Variants in CADM2 observed in about 807,000 individuals in gnomAD.
The protein encoded by CADM2 is cell adhesion molecule 2, also known as immunoglobulin superfamily member 4D.
In CADM2, 12 loss-of-function variants were observed where a neutral mutation model predicts 49.8. That is an observed-to-expected ratio of 0.24 (90% CI 0.15 to 0.39). The LOEUF (loss-of-function observed/expected upper bound fraction) is 0.39. CADM2 is among the 10% of genes least tolerant of loss of function. The pLI is 1.00. For missense variants in CADM2, 378 were observed against 492.3 expected (o/e 0.77, Z 2.20); for synonymous variants, 214 against 175.4 (o/e 1.22, Z -1.74).
chr3:85,318,380 G>T (rs1485910761), intron 1 of CADM2, among the ~76,000 whole-genome samples: 1 of 151,954 alleles, frequency 6.6e-6, no homozygotes, highest in East Asian at 1.9e-4. Context: ...TGCAGTAACA[G>T]AATTGGACAA....
Position 85,961,514 on chromosome 3 carries a change from T to G in CADM2, c.837T>G (p.Asp279Glu), listed in dbSNP as rs751013468. The G allele has an allele frequency of 6.2e-7, 1 of 1,607,476 alleles. No homozygotes were observed. Among genetic ancestry groups the G allele is most frequent in the African/African-American group, 1.3e-5 (1 of 74,750 alleles). Residue 279 changes from aspartate (D) to glutamate (E), a missense_variant, in exon 8 of 10, where the codon GAT becomes GAG. Physicochemically the swap from Asp to Glu is conservative, Grantham distance 45. Coordinates refer to ENST00000383699, the MANE Select transcript of CADM2 (RefSeq NM_001167675.2). ...LWTKDGGELP[D>E]PDRMVVSGRE... is the part of the protein sequence containing the mutation. ...CAAAGGATGGCGGAGAATTACCAGA[T>G]CCTGACCGAATGGTTGTGAGTGGTA...
chr3:85,494,175 T>C (rs1403808269), intron 1 of CADM2, among the ~76,000 whole-genome samples: 1 of 152,094 alleles, frequency 6.6e-6, no homozygotes, highest in Non-Finnish European at 1.5e-5. Flanking sequence ...TTGTAAAAAT[T>C]TAAAAAGAAA....
intron 1 of CADM2, among the ~76,000 whole-genome samples, chr3:85,704,469 A>G (rs9827598): frequency 0.48 from 73,391 of 151,852 alleles, 18,329 homozygotes; most frequent in African/African-American, 0.62. Flanking sequence ...TCTTGGTGAA[A>G]GCCCTCATCC....
chr3:85,800,105 G>C (rs1310066445), intron 2 of CADM2: 2 of 152,248 alleles, frequency 1.3e-5, no homozygotes, highest in Non-Finnish European at 2.9e-5. Flanking sequence ...AATCTAGAGA[G>C]GCAGTGTGGA....
chr3:85,206,311 CTT>C (rs546784330), intron 1 of CADM2, among the ~76,000 whole-genome samples: 12 of 130,224 alleles, frequency 9.2e-5, no homozygotes, highest in Admixed American at 2.3e-4. Context: ...TTTTTCTTTT[CTT>C]TTTTTTTTTT....
At chr3:85,331,604 A>G (rs2044928987) in intron 1 of CADM2, among the ~76,000 whole-genome samples, 1 of 151,974 alleles carries the variant, frequency 6.6e-6, no homozygotes, top group Admixed American at 6.6e-5. Context: ...AAGAATATTC[A>G]GTATACTGAT....
intron 1 of CADM2, among the ~76,000 whole-genome samples, chr3:85,342,385 A>G (rs965143098): frequency 5.3e-5 from 8 of 152,108 alleles, no homozygotes; most frequent in Admixed American, 6.6e-5. Context: ...AAAAATATGG[A>G]ATTATATAAA....
At chr3:85,633,618 T>G (rs1352502741) in intron 1 of CADM2, among the ~76,000 whole-genome samples, 1 of 152,028 alleles carries the variant, frequency 6.6e-6, no homozygotes, top group Non-Finnish European at 1.5e-5. Context: ...GCAGTCATAG[T>G]TAAGAGCCAC....
At chr3:85,832,176 T>C (rs2074215196) in intron 3 of CADM2, among the ~76,000 whole-genome samples, 1 of 151,948 alleles carries the variant, frequency 6.6e-6, no homozygotes, top group Non-Finnish European at 1.5e-5. Context: ...TCTATTCTTT[T>C]CCATTGCTGT....
chr3:84,994,808 C>T (rs2033086145), intron 1 of CADM2, among the ~76,000 whole-genome samples: 1 of 152,040 alleles, frequency 6.6e-6, no homozygotes, highest in Non-Finnish European at 1.5e-5. Context: ...GTGGCCAGAT[C>T]ACGATGTCAG....
At chr3:85,671,289 G>A (rs529178029) in intron 1 of CADM2, among the ~76,000 whole-genome samples, 3 of 152,212 alleles carry the variant, frequency 2.0e-5, no homozygotes, top group South Asian at 4.1e-4. Flanking sequence ...TTTCTTGCTT[G>A]TTTTCAAAGC....
At chr3:85,690,848 A>G (rs1211270050) in intron 1 of CADM2, among the ~76,000 whole-genome samples, 1 of 152,252 alleles carries the variant, frequency 6.6e-6, no homozygotes, top group East Asian at 1.9e-4. Flanking sequence ...ATACTTGTAT[A>G]CATCATGTAA....
rs559224401 is a variant in CADM2 at position 85,721,081 on chromosome 3, A to G, written c.62-5441A>G. On this transcript the variant is annotated intron_variant, in intron 1 of 9. Transcript: ENST00000383699. ...CACCACTGAAGTGCTTTGTATTCTA[A>G]AAATGGCATTCCTCTTCTCTGAAGC... 4.5e-4 allele frequency among the ~76,000 whole-genome samples: 69 copies of G among 152,318 alleles called. 1 individual carries two copies. Among genetic ancestry groups the G allele is most frequent in the African/African-American group, 1.6e-3 (67 of 41,576 alleles).
intron 1 of CADM2, among the ~76,000 whole-genome samples, chr3:84,967,588 T>A (rs2031097382): frequency 6.6e-6 from 1 of 152,124 alleles, no homozygotes; most frequent in Non-Finnish European, 1.5e-5. Context: ...TGTGCTGAAG[T>A]CCGAATAGTA....
chr3:85,298,936 C>A (rs1435858611), intron 1 of CADM2, among the ~76,000 whole-genome samples: 1 of 152,004 alleles, frequency 6.6e-6, no homozygotes, highest in Admixed American at 6.6e-5. Context: ...AGCACATCAA[C>A]TGTGGTTTTT....
rs200627018 is a variant in CADM2 at position 85,515,610 on chromosome 3, A to AATATATATAT, written c.62-210899_62-210890dup. 5.2e-3 allele frequency among the ~76,000 whole-genome samples: 591 copies of AATATATATAT among 113,186 alleles called. 8 individuals carry two copies. The highest frequency in any genetic ancestry group is 0.019 in the African/African-American group (561 of 30,132). The allele number at this position is 113,186 out of a possible 152,430, so 74.3% of individuals were successfully genotyped here. ...ACAGGAGAGTGCCACCACGCCCACT[A>AATATATATAT]ATATATATATATATATATATATTTT... On this transcript the variant is annotated intron_variant, in intron 1 of 9. Coordinates refer to ENST00000383699, the MANE Select transcript of CADM2 (RefSeq NM_001167675.2).
chr3:85,618,551 T>C (rs1215431330), intron 1 of CADM2, among the ~76,000 whole-genome samples: 2 of 152,146 alleles, frequency 1.3e-5, no homozygotes, highest in African/African-American at 4.8e-5. Context: ...GTACCTTCCA[T>C]TCTTAGTTCT....
At chr3:85,005,350 A>G (rs2033667766) in intron 1 of CADM2, among the ~76,000 whole-genome samples, 2 of 152,154 alleles carry the variant, frequency 1.3e-5, no homozygotes, top group African/African-American at 4.8e-5. Flanking sequence ...CTCTGGCTGT[A>G]GTTTGCCTCA....
intron 1 of CADM2, among the ~76,000 whole-genome samples, chr3:85,136,344 TG>T (rs1351682928): frequency 1.3e-5 from 2 of 151,974 alleles, no homozygotes; most frequent in African/African-American, 4.8e-5. Context: ...AATGTGTGTG[TG>T]TGTGTGTGTG....
Sources: allele counts gnomAD v4.1 joint callset (sites outside exome capture counted in the v4.1 genomes callset), GRCh38; gene constraint gnomAD v4.1.1; transcripts MANE v1.5; gene names NCBI Gene and HGNC (gene_info 2026-07-23, HGNC 2026-07-21).